The following AKAP9 variants were observed in gnomAD, a reference collection of about 807,000 sequenced individuals.
AKAP9 encodes A-kinase anchoring protein 9, also known as A-kinase anchor protein 9.
In AKAP9, 311 loss-of-function variants were observed where a neutral mutation model predicts 488.5. That is an observed-to-expected ratio of 0.64 (90% CI 0.58 to 0.70). The LOEUF is 0.70. Among genes scored for constraint, AKAP9 ranks in the 30% least tolerant of loss-of-function variants. The probability of loss-of-function intolerance (pLI) is 0.00; values close to 1 mark genes in which losing one functional copy is unlikely to be tolerated. For synonymous variants in AKAP9, 1,462 were observed against 1,483.5 expected, an observed-to-expected ratio of 0.99 and a Z score of 0.33; for missense variants, 4,215 against 4,374.5, an observed-to-expected ratio of 0.96 and a Z score of 1.03.
intron 12 of AKAP9, among the ~76,000 whole-genome samples, chr7:92,019,299 A>G (rs1801986285): frequency 6.6e-6 from 1 of 151,570 alleles, no homozygotes; most frequent in Non-Finnish European, 1.5e-5. Context: ...ACTCCACCAC[A>G]CCCGGCTAAT....
At chr7:92,053,264 T>C (rs966349772) in intron 22 of AKAP9, among the ~76,000 whole-genome samples, 3 of 152,220 alleles carry the variant, frequency 2.0e-5, no homozygotes, top group African/African-American at 7.2e-5. Flanking sequence ...ACTTTTTGTT[T>C]CTTAACCGCT....
At chr7:92,039,274 A>G (rs1734606275) in intron 17 of AKAP9, among the ~76,000 whole-genome samples, 1 of 152,210 alleles carries the variant, frequency 6.6e-6, no homozygotes, top group Non-Finnish European at 1.5e-5. Flanking sequence ...AGTATCAAAT[A>G]AAACAAGTCT....
At position 92,093,282 on chromosome 7, in the gene AKAP9, C is replaced by T; in HGVS notation, c.9544C>T (p.Gln3182Ter). ...GGAACTAGAAACAACACTCAAGGCA[C>T]AGCATAAACACCTAAAAGAATTGGA... ...KLELETTLKA[Q>*]HKHLKELEAF... The change falls in exon 39 of 50, where the codon CAG becomes TAG. Residue 3182 changes from glutamine to a stop codon, truncating the protein, a stop_gained. Transcript: ENST00000356239. LOFTEE classifies it high-confidence loss of function. The T allele has an allele frequency of 6.2e-7, 1 of 1,614,066 alleles. No homozygotes were observed. The highest frequency in any genetic ancestry group is 8.5e-7 in the Non-Finnish European group (1 of 1,180,030).
intron 21 of AKAP9, among the ~76,000 whole-genome samples, chr7:92,047,819 T>A (rs1036038176): frequency 2.0e-5 from 3 of 152,230 alleles, no homozygotes; most frequent in Non-Finnish European, 4.4e-5. Flanking sequence ...TAGAATATTG[T>A]AGCAGAGATA....
chr7:92,065,707 A>G (rs1810660670), intron 25 of AKAP9, among the ~76,000 whole-genome samples: 1 of 152,212 alleles, frequency 6.6e-6, no homozygotes, highest in Admixed American at 6.5e-5. Context: ...CATGATAAAA[A>G]TTATGAATAA....
intron 11 of AKAP9, among the ~76,000 whole-genome samples, 178 bp downstream of exon 11, chr7:92,016,445 A>G (rs1431713339): frequency 6.6e-6 from 1 of 152,018 alleles, no homozygotes; most frequent in East Asian, 1.9e-4. Context: ...AATTTTTATA[A>G]TGCGATAATG....
rs1201114363 is a variant in AKAP9 at position 92,001,274 on chromosome 7, A to G, written c.1357A>G (p.Ile453Val). The change falls in exon 8 of 50, where the codon ATA (isoleucine) becomes GTA (valine). Residue 453 changes from isoleucine (I) to valine (V), a missense_variant. Around this residue, in one of 5 missense-constraint regions of AKAP9, gnomAD observed 2,361 missense variants for 2,430.0 expected, o/e 0.97. Coordinates refer to ENST00000356239, the MANE Select transcript of AKAP9 (RefSeq NM_005751.5). The part of the protein sequence containing the change: ...QQIVQMKQEL[I>V]RQHMAQMEEM... ...GATAGTGCAAATGAAACAAGAATTA[A>G]TAAGACAACACATGGCACAGATGGA... 3.1e-6 allele frequency: 5 copies of G among 1,614,020 alleles called. No homozygotes were observed. The South Asian group carries it at 4.4e-5, about 14-fold the overall frequency.
chr7:91,989,161 A>G (rs1797469707), intron 3 of AKAP9, among the ~76,000 whole-genome samples: 1 of 152,106 alleles, frequency 6.6e-6, no homozygotes, highest in Admixed American at 6.6e-5. Flanking sequence ...TCTCAGAAGG[A>G]TTTCAGGTTC....
At chr7:92,024,687 G>A (rs1802841950) in intron 14 of AKAP9, among the ~76,000 whole-genome samples, 1 of 152,080 alleles carries the variant, frequency 6.6e-6, no homozygotes, top group South Asian at 2.1e-4. Flanking sequence ...GTATGCTATA[G>A]TATATAACTA....
Position 91,994,707 on chromosome 7 carries a change from G to A in AKAP9, c.663G>A (p.Lys221=). ...ATTTACAACAAGCAAGAAGAGAAAA[G>A]GATGAGACAATGAGAGAATTTTTAG... ...TANLQQARRE[K]DETMREFLEL... is the part of the protein sequence containing the mutation. The change falls in exon 6 of 50, where the codon AAG becomes AAA. Residue 221 remains lysine (K), a synonymous_variant. Transcript: ENST00000356239. 6.2e-7 allele frequency: 1 copy of A among 1,613,302 alleles called. No individual in the cohort carries two copies. Among genetic ancestry groups the A allele is most frequent in the African/African-American group, 1.3e-5 (1 of 74,978 alleles).
rs749977156 is a variant in AKAP9, at chr7:92,070,980, C to T, written c.6583C>T (p.Arg2195Ter). 10 of 1,613,588 alleles carry T rather than the reference C, an allele frequency of 6.2e-6. No individual in the cohort carries two copies. The highest frequency in any genetic ancestry group is 3.3e-5 in the Admixed American group (2 of 59,996). ...LSLEVQLQAE[R>*]DAIDRKEKEI... ...CCTAGAAGTACAATTGCAGGCTGAA[C>T]GAGATGCCATAGACAGAAAGGAAAA... The change falls in exon 28 of 50, where the codon CGA becomes TGA. Residue 2195 changes from arginine (R) to a stop codon, truncating the protein, a stop_gained. Coordinates refer to ENST00000356239, the MANE Select transcript of AKAP9 (RefSeq NM_005751.5). LOFTEE classifies it high-confidence loss of function.
chr7:91,972,492 T>C (rs1358561220), intron 1 of AKAP9, among the ~76,000 whole-genome samples: 2 of 152,176 alleles, frequency 1.3e-5, no homozygotes, highest in African/African-American at 2.4e-5. Flanking sequence ...ATTAGGAGAA[T>C]GGGAATCATG....
At chr7:92,108,923 G>A (rs1403157684) in intron 49 of AKAP9, 7 of 479,042 alleles carry the variant, frequency 1.5e-5, no homozygotes, top group Non-Finnish European at 2.3e-5. Context: ...GAGCACCAGT[G>A]TGCAAGGTAC....
intron 3 of AKAP9, among the ~76,000 whole-genome samples, chr7:91,991,192 T>C (rs941046559): frequency 6.6e-6 from 1 of 152,190 alleles, no homozygotes; most frequent in Non-Finnish European, 1.5e-5. Flanking sequence ...TACAGTAAAA[T>C]ATTTTAGAGG....
At chr7:92,027,681 G>T (rs1183363693) in intron 14 of AKAP9, among the ~76,000 whole-genome samples, 1 of 144,844 alleles carries the variant, frequency 6.9e-6, no homozygotes, top group South Asian at 2.3e-4. Context: ...TGTGAGGAGC[G>T]CCTCTGCCTG....
intron 12 of AKAP9, among the ~76,000 whole-genome samples, chr7:92,017,486 T>C (rs1010943178): frequency 1.3e-5 from 2 of 152,122 alleles, no homozygotes; most frequent in African/African-American, 4.8e-5. Flanking sequence ...ATTATACATG[T>C]CAATTTTATT....
intron 40 of AKAP9, among the ~76,000 whole-genome samples, chr7:92,096,024 A>G (rs969872078): frequency 6.6e-6 from 1 of 152,320 alleles, no homozygotes; most frequent in Non-Finnish European, 1.5e-5. Flanking sequence ...TATATCAGGA[A>G]CATTTATTTT....
At position 92,082,616 on chromosome 7, in the gene AKAP9, T is replaced by C. The variant is rs1813780453; in HGVS notation, c.8114T>C (p.Leu2705Pro). The stretch of plus-strand genomic sequence containing the variant: ...GAATCAGTGGCTACCAAAGCAGAAC[T>C]TGCCAGTTATAAAGAAAAGGCTGAA... ...RAESVATKAE[L>P]ASYKEKAEKL... The change falls in exon 32 of 50, where the codon CTT becomes CCT. Residue 2705 changes from leucine (L) to proline (P), a missense_variant. Leu to Pro is a moderately conservative substitution (Grantham distance 98). Transcript: ENST00000356239. 1 of 1,613,924 alleles carries C rather than the reference T, an allele frequency of 6.2e-7. No homozygotes were observed. Among genetic ancestry groups the C allele is most frequent in the Non-Finnish European group, 8.5e-7 (1 of 1,179,960 alleles).
At chr7:92,080,237 A>G (rs1379085172) in intron 31 of AKAP9, 85 bp downstream of exon 31, 2 of 1,020,860 alleles carry the variant, frequency 2.0e-6, no homozygotes, top group African/African-American at 1.6e-5. Flanking sequence ...TGTTCTGTTT[A>G]CATCTAACAA....
Sources: allele counts gnomAD v4.1 joint callset (sites outside exome capture counted in the v4.1 genomes callset), GRCh38; gene constraint gnomAD v4.1.1; regional missense constraint gnomAD v4.1.1; transcripts MANE v1.5; gene names NCBI Gene and HGNC (gene_info 2026-07-23, HGNC 2026-07-21).